The following TMEM196 variants were observed in gnomAD, a reference collection of about 807,000 sequenced individuals.
TMEM196 encodes the protein transmembrane protein 196.
TMEM196 carries 17 observed loss-of-function variants against 20.0 expected under a neutral mutation model. The ratio of observed to expected loss-of-function variants is 0.85; its 90% confidence interval spans 0.58 to 1.27. The LOEUF (loss-of-function observed/expected upper bound fraction) is 1.27, where lower values mean the gene tolerates loss of function less well. Ranked by LOEUF, TMEM196 falls within the 50% of genes most tolerant of loss-of-function variation. The probability of loss-of-function intolerance (pLI) is 0.00; values close to 1 mark genes in which losing one functional copy is unlikely to be tolerated. For synonymous variants in TMEM196, 113 were observed against 88.9 expected (o/e 1.27, Z -1.52); for missense variants, 267 against 223.0 (o/e 1.20, Z -1.26).
At chr7:19,758,719 C>G (rs1239316989) in intron 1 of TMEM196, among the ~76,000 whole-genome samples, 1 of 152,178 alleles carries the variant, frequency 6.6e-6, no homozygotes, top group Non-Finnish European at 1.5e-5. Context: ...TGCACACGTA[C>G]TCAGAATTCT....
chr7:19,746,964 AGAAAATCCCGGCCGGGCGT>A (rs1784776899), intron 1 of TMEM196, among the ~76,000 whole-genome samples: 4 of 152,168 alleles, frequency 2.6e-5, no homozygotes. Context: ...GGTAAATCAT[AGAAAATCCCGGCCGGGCGT>A]GGTGGCTCAC....
At chr7:19,746,248 T>G (rs1784745611) in intron 1 of TMEM196, among the ~76,000 whole-genome samples, 1 of 152,208 alleles carries the variant, frequency 6.6e-6, no homozygotes, top group South Asian at 2.1e-4. Context: ...AGTTTCCTCA[T>G]AACATAAATG....
At position 19,724,303 on chromosome 7, in the gene TMEM196, G is replaced by A; in HGVS notation, c.510C>T (p.Pro170=). The A allele has an allele frequency of 6.5e-7, 1 of 1,550,262 alleles. No homozygotes were observed. Among genetic ancestry groups the A allele is most frequent in the Non-Finnish European group, 8.7e-7 (1 of 1,146,840 alleles). ...ITDLPSCPVV[P]PTPELPTRK ...ACCTTGTAGGTAACTCTGGTGTCGG[G>A]GGCACCACCGGGCAGCTGGGCAAGT... Residue 170 remains proline, a synonymous_variant, in exon 4 of 5, where the codon CCC becomes CCT. Coordinates refer to ENST00000405844, the MANE Select transcript of TMEM196 (RefSeq NM_001363562.2).
intron 4 of TMEM196, among the ~76,000 whole-genome samples, chr7:19,722,417 A>G (rs992784540): frequency 2.8e-4 from 43 of 152,068 alleles, no homozygotes; most frequent in Admixed American, 2.4e-3. Context: ...CTTCAACTCA[A>G]TTTTGGAAAG....
At chr7:19,751,225 G>A (rs976730785) in intron 1 of TMEM196, among the ~76,000 whole-genome samples, 2 of 152,236 alleles carry the variant, frequency 1.3e-5, no homozygotes, top group African/African-American at 4.8e-5. Context: ...ATACAGGGGA[G>A]AGAGGTATCT....
At chr7:19,771,024 C>T (rs1216182638) in intron 1 of TMEM196, among the ~76,000 whole-genome samples, 1 of 152,076 alleles carries the variant, frequency 6.6e-6, no homozygotes, top group East Asian at 1.9e-4. Flanking sequence ...CCTTTTCTCC[C>T]TCTTTCCCTA....
chr7:19,743,509 C>A (rs890133356), intron 1 of TMEM196, among the ~76,000 whole-genome samples: 1 of 152,090 alleles, frequency 6.6e-6, no homozygotes, highest in African/African-American at 2.4e-5. Context: ...TATTTTGGAT[C>A]AGGTATAAAA....
chr7:19,736,975 C>A (rs1220968585), intron 1 of TMEM196, among the ~76,000 whole-genome samples: 1 of 151,870 alleles, frequency 6.6e-6, no homozygotes, highest in East Asian at 1.9e-4. Context: ...TAGAATTTGG[C>A]ATGGTACACT....
chr7:19,764,738 G>T (rs1205675294), intron 1 of TMEM196, among the ~76,000 whole-genome samples: 1 of 152,100 alleles, frequency 6.6e-6, no homozygotes, highest in East Asian at 1.9e-4. Context: ...TGGCAGGAAC[G>T]ATTTAGGTCC....
intron 1 of TMEM196, among the ~76,000 whole-genome samples, chr7:19,748,451 C>G (rs1784845632): frequency 6.6e-6 from 1 of 152,048 alleles, no homozygotes; most frequent in Non-Finnish European, 1.5e-5. Flanking sequence ...TTTTATAGAA[C>G]AAGAAACAGG....
intron 1 of TMEM196, among the ~76,000 whole-genome samples, chr7:19,763,982 C>T (rs914476665): frequency 6.6e-6 from 1 of 152,100 alleles, no homozygotes; most frequent in African/African-American, 2.4e-5. Flanking sequence ...GCTTCCAAAC[C>T]TATTCTCACT....
At position 19,721,769 on chromosome 7, in the gene TMEM196, C is replaced by T. The variant is rs1783821118; in HGVS notation, c.*359G>A. 8.7e-6 allele frequency: 2 copies of T among 229,526 alleles called. No individual in the cohort carries two copies. Among genetic ancestry groups the T allele is most frequent in the Admixed American group, 5.9e-5 (1 of 16,844 alleles). The allele number at this position is 229,526 out of a possible 1,614,324, so 14.2% of individuals were successfully genotyped here. A position where few individuals can be genotyped will look rare whatever the true frequency, so the allele number is the denominator to read the frequency against. On this transcript the variant is annotated 3_prime_UTR_variant, in exon 5 of 5. Transcript: ENST00000405844. ...TTACAAATATAATAATCATGCTAGT[C>T]AAATAGTGTTTGTATAGAATATGCA... is the stretch of plus-strand genomic sequence containing the variant.
At chr7:19,722,250 G>A (rs1783838963) in intron 4 of TMEM196, 116 bp from the exon 5 acceptor site, 2 of 791,034 alleles carry the variant, frequency 2.5e-6, no homozygotes, top group Non-Finnish European at 4.1e-6. Flanking sequence ...TAAGTTTTGG[G>A]GAAAGACAAG....
At chr7:19,732,688 A>G (rs973073498) in intron 1 of TMEM196, among the ~76,000 whole-genome samples, 5 of 151,948 alleles carry the variant, frequency 3.3e-5, no homozygotes, top group African/African-American at 4.8e-5. Context: ...GAAGTGTTCA[A>G]TGAATACCTA....
In TMEM196 at chr7:19,745,704, T is replaced by C. The variant is rs1408728937; in HGVS notation, c.148-16266A>G. 2.7e-5 allele frequency among the ~76,000 whole-genome samples: 4 copies of C among 147,956 alleles called. No homozygotes were observed. The East Asian group carries it at 7.8e-4, about 29-fold the overall frequency. On this transcript the variant is annotated intron_variant, in intron 1 of 4. Transcript: ENST00000405844. ...TCTTCCTGGTGCATAATTCATCTAATATGCCGGCCCTGTTCCATCCCACAT... is the reference window on the plus strand; with the variant it reads ...TCTTCCTGGTGCATAATTCATCTAACATGCCGGCCCTGTTCCATCCCACAT...
In TMEM196 at chr7:19,773,067, T is replaced by A. The variant is rs1175653796; in HGVS notation, c.-371A>T. On this transcript the variant is annotated 5_prime_UTR_variant, in exon 1 of 5. Coordinates refer to ENST00000405844, the MANE Select transcript of TMEM196 (RefSeq NM_001363562.2). ...GTCCAGAGTTCTGCCGCGTCCCAAATCTCCGCAGGGAAACCCGCGCCCTCC... is the reference window on the plus strand; with the variant it reads ...GTCCAGAGTTCTGCCGCGTCCCAAAACTCCGCAGGGAAACCCGCGCCCTCC... 5.7e-6 allele frequency: 1 copy of A among 175,956 alleles called. No individual in the cohort carries two copies. Among genetic ancestry groups the A allele is most frequent in the East Asian group, 1.5e-4 (1 of 6,828 alleles). The allele number at this position is 175,956 out of a possible 1,614,324, so 10.9% of individuals were successfully genotyped here.
At chr7:19,759,595 A>G (rs1160791798) in intron 1 of TMEM196, among the ~76,000 whole-genome samples, 6 of 152,056 alleles carry the variant, frequency 3.9e-5, no homozygotes, top group African/African-American at 1.4e-4. Flanking sequence ...ACAGGTCACA[A>G]ACAGATTCTT....
intron 1 of TMEM196, among the ~76,000 whole-genome samples, chr7:19,767,192 A>G (rs17141959): frequency 6.6e-6 from 1 of 151,998 alleles, no homozygotes; most frequent in East Asian, 1.9e-4. Flanking sequence ...TCATGAAATA[A>G]AGAAAAATGT....
At chr7:19,766,318 C>T (rs1373913061) in intron 1 of TMEM196, among the ~76,000 whole-genome samples, 3 of 152,042 alleles carry the variant, frequency 2.0e-5, no homozygotes, top group African/African-American at 4.8e-5. Flanking sequence ...CTCTCTTTCT[C>T]TTTTCTAGAA....
Sources: allele counts gnomAD v4.1 joint callset (sites outside exome capture counted in the v4.1 genomes callset), GRCh38; gene constraint gnomAD v4.1.1; transcripts MANE v1.5; gene names NCBI Gene and HGNC (gene_info 2026-07-23, HGNC 2026-07-21).